CENPU: variants seen among roughly 807,000 people sequenced by gnomAD.
CENPU encodes the protein KSHV latent nuclear antigen interacting protein 1.
In CENPU, 46 loss-of-function variants were observed where a neutral mutation model predicts 56.7. The observed-to-expected ratio is 0.81, with a 90% CI of 0.64 to 1.04. The LOEUF (loss-of-function observed/expected upper bound fraction) is 1.04. Among genes scored for constraint, CENPU ranks in the 50% least tolerant of loss-of-function variants. The pLI, the probability that CENPU is intolerant of heterozygous loss-of-function variation, is 0.00. For synonymous variants in CENPU, 166 were observed against 163.0 expected (o/e 1.02, Z -0.14); for missense variants, 510 against 490.1 (o/e 1.04, Z -0.38).
intron 8 of CENPU, among the ~76,000 whole-genome samples, chr4:184,705,010 T>C (rs1246328606): frequency 2.0e-5 from 3 of 152,098 alleles, no homozygotes; most frequent in Admixed American, 2.0e-4. Flanking sequence ...TGGAAAACAG[T>C]CTCAGTCCCT....
rs79037535 is a variant in CENPU, at chr4:184,704,193, C to T, written c.798-1752G>A. ...CTCCTTGACTCCAGTGATCCTCCTG[C>T]CTCAGCCTCCCGTGTAGCTGGGACT... On this transcript the variant is annotated intron_variant, in intron 8 of 12. Coordinates refer to ENST00000281453, the MANE Select transcript of CENPU (RefSeq NM_024629.4). Among the ~76,000 whole-genome samples the T allele has an allele frequency of 2.0e-3, 310 of 152,204 alleles. 7 individuals are homozygous for T. The East Asian group carries it at 0.043, about 21-fold the overall frequency.
chr4:184,702,596 G>T, intron 8 of CENPU, 155 bp from the exon 9 acceptor site: 1 of 521,764 alleles, frequency 1.9e-6, no homozygotes, highest in Non-Finnish European at 3.3e-6. Context: ...TAATCTCAAT[G>T]TTTTAGATTA....
chr4:184,705,122 C>CAAACACA (rs1760680325), intron 8 of CENPU, among the ~76,000 whole-genome samples: 3 of 152,164 alleles, frequency 2.0e-5, no homozygotes, highest in Admixed American at 6.5e-5. Flanking sequence ...AAAAATGTAT[C>CAAACACA]CAAATGTTTA....
intron 11 of CENPU, chr4:184,699,527 T>C: frequency 7.8e-7 from 1 of 1,276,512 alleles, no homozygotes; most frequent in Non-Finnish European, 1.0e-6. Flanking sequence ...GCTTTCCCTA[T>C]TATATTTACC....
At chr4:184,699,726 T>C in intron 11 of CENPU, 1 of 757,030 alleles carries the variant, frequency 1.3e-6, no homozygotes, top group African/African-American at 1.9e-5. Context: ...ACTGGCACAA[T>C]CTCGGCTCCC....
At chr4:184,719,564 G>T (rs900513668) in intron 4 of CENPU, among the ~76,000 whole-genome samples, 7 of 152,154 alleles carry the variant, frequency 4.6e-5, no homozygotes, top group African/African-American at 1.7e-4. Flanking sequence ...TGAGCCTGAC[G>T]GGCAGTCTAG....
chr4:184,726,437 G>A (rs909686721), intron 3 of CENPU, among the ~76,000 whole-genome samples: 1 of 152,016 alleles, frequency 6.6e-6, no homozygotes, highest in South Asian at 2.1e-4. Flanking sequence ...AGTAATTAGG[G>A]AAATACAAAT....
chr4:184,717,363 T>C (rs1761129056), intron 4 of CENPU, among the ~76,000 whole-genome samples, 167 bp from the exon 5 acceptor site: 1 of 152,238 alleles, frequency 6.6e-6, no homozygotes, highest in Admixed American at 6.5e-5. Context: ...GCCTCCCACA[T>C]CTTCCCATAC....
chr4:184,706,469 T>C (rs906820122), intron 8 of CENPU, among the ~76,000 whole-genome samples: 2 of 152,238 alleles, frequency 1.3e-5, no homozygotes, highest in African/African-American at 4.8e-5. Flanking sequence ...CTCTTCCAAA[T>C]TCTAGCAACT....
At chr4:184,713,484 CAAACA>C (rs1760992142) in intron 6 of CENPU, among the ~76,000 whole-genome samples, 1 of 152,172 alleles carries the variant, frequency 6.6e-6, no homozygotes, top group African/African-American at 2.4e-5. Flanking sequence ...GGAAGCATTG[CAAACA>C]AAACTATCAC....
At chr4:184,716,340 C>A in intron 6 of CENPU, 57 bp downstream of exon 6, 1 of 1,102,730 alleles carries the variant, frequency 9.1e-7, no homozygotes, top group Non-Finnish European at 1.3e-6. Context: ...CATTTTCTTC[C>A]CCAAAATTTT....
rs777208528 is a variant in CENPU, at chr4:184,716,635, T to C, written c.382-2A>G. The C allele has an allele frequency of 1.9e-6, 3 of 1,608,452 alleles. No homozygotes were observed. The highest frequency in any genetic ancestry group is 4.5e-5 in the East Asian group (2 of 44,842). Reference sequence around the variant, plus strand: ...AATGGGCCTGAGCTTTCTTCCTGGCTGTGTGAAAGAAAAAACAGCAGTACT... The same window carrying C: ...AATGGGCCTGAGCTTTCTTCCTGGCCGTGTGAAAGAAAAAACAGCAGTACT... On this transcript the variant is annotated splice_acceptor_variant, in intron 5 of 12. Transcript: ENST00000281453. LOFTEE classifies it high-confidence loss of function.
chr4:184,696,848 G>A (rs987097588), intron 12 of CENPU, among the ~76,000 whole-genome samples: 1 of 149,418 alleles, frequency 6.7e-6, no homozygotes, highest in Non-Finnish European at 1.5e-5. Flanking sequence ...CAATAAACTT[G>A]TTTTCCCATT....
chr4:184,705,140 G>A (rs1007946587), intron 8 of CENPU, among the ~76,000 whole-genome samples: 1 of 152,200 alleles, frequency 6.6e-6, no homozygotes, highest in African/African-American at 2.4e-5. Context: ...TTACAGCACT[G>A]TGTGTGTTAA....
chr4:184,725,034 A>C lies in CENPU; in HGVS notation c.243T>G (p.Tyr81Ter). The change falls in exon 4 of 13, where the codon TAT becomes TAG. Residue 81 changes from tyrosine to a stop codon, truncating the protein, a stop_gained. Transcript: ENST00000281453. LOFTEE classifies it high-confidence loss of function. ...GTTTGGAGAATTCTTCTTCATCAGC[A>C]TATATAGCTGTGCTATGTAAAGGAG... ...FDPPLHSTAI[Y>*]ADEEEFSKHC... 1 of 1,611,906 alleles carries C rather than the reference A, an allele frequency of 6.2e-7. No individual in the cohort carries two copies.
intron 6 of CENPU, among the ~76,000 whole-genome samples, chr4:184,715,286 T>C (rs913079295): frequency 6.6e-6 from 1 of 152,120 alleles, no homozygotes; most frequent in Non-Finnish European, 1.5e-5. Context: ...CCAAAAGATA[T>C]TATATGTCAA....
intron 8 of CENPU, among the ~76,000 whole-genome samples, chr4:184,705,184 A>G (rs1034844371): frequency 2.0e-5 from 3 of 152,186 alleles, no homozygotes; most frequent in African/African-American, 7.2e-5. Context: ...AAATTCCTTC[A>G]ATGGGTGAAT....
In CENPU at chr4:184,715,873, T is replaced by C. The variant is rs1001582492; in HGVS notation, c.618+524A>G. ...AGCATAGACCAAAAAACATGGTGGT[T>C]ATTTTGGGTTATGGAATTACAGATG... On this transcript the variant is annotated intron_variant, in intron 6 of 12. Coordinates refer to ENST00000281453, the MANE Select transcript of CENPU (RefSeq NM_024629.4). 3.3e-5 allele frequency among the ~76,000 whole-genome samples: 5 copies of C among 152,210 alleles called. No homozygotes were observed. The South Asian group carries it at 8.3e-4, about 25-fold the overall frequency.
chr4:184,731,883 C>CTGTGTGTGTGTGTGTGTGTGTGTGTGTG (rs59083873), intron 1 of CENPU, among the ~76,000 whole-genome samples: 63 of 146,754 alleles, frequency 4.3e-4, no homozygotes, highest in African/African-American at 1.0e-3. Context: ...CTCATGTGCT[C>CTGTGTGTGTGTGTGTGTGTGTGTGTGTG]TGTGTGTGTG....
Sources: allele counts gnomAD v4.1 joint callset (sites outside exome capture counted in the v4.1 genomes callset), GRCh38; gene constraint gnomAD v4.1.1; transcripts MANE v1.5; gene names NCBI Gene and HGNC (gene_info 2026-07-23, HGNC 2026-07-21).